Variants in ZBTB16 observed in about 807,000 individuals in gnomAD.
The protein encoded by ZBTB16 is zinc finger and BTB domain containing 16, also known as zinc finger and BTB domain-containing protein 16.
Under a neutral mutation model 56.8 loss-of-function variants are expected in ZBTB16, and 8 were observed. The observed-to-expected ratio is 0.14, with a 90% CI of 0.08 to 0.25. The LOEUF (loss-of-function observed/expected upper bound fraction) is 0.25, where lower values mean the gene tolerates loss of function less well. Among genes scored for constraint, ZBTB16 ranks in the 10% least tolerant of loss-of-function variants. The pLI is 1.00. For synonymous variants in ZBTB16, 363 were observed against 368.5 expected (o/e 0.98, Z 0.17); for missense variants, 625 against 903.0 (o/e 0.69, Z 3.95).
chr11:114,226,363 T>C (rs1051078122), intron 4 of ZBTB16, among the ~76,000 whole-genome samples: 29 of 152,166 alleles, frequency 1.9e-4, no homozygotes, highest in African/African-American at 7.0e-4. Flanking sequence ...GTGTCTCTCT[T>C]CACTACTGTT....
chr11:114,123,244 T>TAGTAGTCA (rs1042036285), intron 2 of ZBTB16, among the ~76,000 whole-genome samples: 173 of 152,136 alleles, frequency 1.1e-3, no homozygotes, highest in African/African-American at 4.0e-3. Flanking sequence ...ATTCAGTCCA[T>TAGTAGTCA]AGTAGTCATG....
chr11:114,200,378 C>T (rs1943709706), intron 4 of ZBTB16, among the ~76,000 whole-genome samples: 1 of 152,180 alleles, frequency 6.6e-6, no homozygotes, highest in African/African-American at 2.4e-5. Context: ...CTCTTAAAAA[C>T]TGTTCTAGAA....
intron 4 of ZBTB16, among the ~76,000 whole-genome samples, chr11:114,207,055 A>C (rs563892066): frequency 7.9e-5 from 12 of 152,116 alleles, no homozygotes; most frequent in Non-Finnish European, 1.6e-4. Context: ...AAAGGTGGCA[A>C]TGGAGGGTGG....
chr11:114,191,506 T>C (rs773082132), intron 4 of ZBTB16, among the ~76,000 whole-genome samples: 4 of 152,202 alleles, frequency 2.6e-5, no homozygotes, highest in Non-Finnish European at 5.9e-5. Flanking sequence ...AAGTGTGCTC[T>C]AGGATGTAGC....
intron 4 of ZBTB16, among the ~76,000 whole-genome samples, chr11:114,219,425 C>T (rs1313294857): frequency 6.6e-6 from 1 of 152,112 alleles, no homozygotes; most frequent in Non-Finnish European, 1.5e-5. Flanking sequence ...GAGTGGGTGG[C>T]TGGGTCTTTC....
At position 114,136,676 on chromosome 11, in the gene ZBTB16, C is replaced by T. The variant is rs77775654; in HGVS notation, c.1269-19661C>T. 4.1e-3 allele frequency among the ~76,000 whole-genome samples: 622 copies of T among 152,154 alleles called. 3 individuals carry two copies. The highest frequency in any genetic ancestry group is 0.024 in the Middle Eastern group (7 of 294). The stretch of plus-strand genomic sequence containing the variant: ...CCAAGAGATGAATGAAAGTCATCAT[C>T]GGGCAGATCACTGCCTACTAAAAGG... On this transcript the variant is annotated intron_variant, in intron 2 of 6. Transcript: ENST00000335953.
intron 3 of ZBTB16, 92 bp downstream of exon 3, chr11:114,156,526 G>C: frequency 8.3e-7 from 1 of 1,205,804 alleles, no homozygotes; most frequent in South Asian, 1.2e-5. Flanking sequence ...TGGCCTGCAT[G>C]TCCCCACTGC....
intron 4 of ZBTB16, among the ~76,000 whole-genome samples, chr11:114,197,829 C>T (rs939165738): frequency 6.6e-6 from 1 of 152,082 alleles, no homozygotes; most frequent in Non-Finnish European, 1.5e-5. Flanking sequence ...CTCAGGATAG[C>T]TGCTGGCCTT....
intron 2 of ZBTB16, among the ~76,000 whole-genome samples, chr11:114,120,719 G>T (rs572533453): frequency 6.6e-6 from 1 of 152,318 alleles, no homozygotes; most frequent in Admixed American, 6.5e-5. Context: ...GGTCTAAAGG[G>T]TGGCAGTGTC....
In ZBTB16 at chr11:114,115,766, G is replaced by A. The variant is rs118052391; in HGVS notation, c.1269-40571G>A. ...AACACAACTGCTGTGGCTGTCCTCC[G>A]CTGACGGCCCGCTAATTTGTCTTTC... On this transcript the variant is annotated intron_variant, in intron 2 of 6. Transcript: ENST00000335953. Among the ~76,000 whole-genome samples the A allele has an allele frequency of 9.9e-3, 1,502 of 152,226 alleles. 14 individuals carry two copies. Among genetic ancestry groups the A allele is most frequent in the Non-Finnish European group, 0.017 (1,134 of 68,012 alleles).
chr11:114,200,658 T>G (rs774285959), intron 4 of ZBTB16, among the ~76,000 whole-genome samples: 1 of 152,164 alleles, frequency 6.6e-6, no homozygotes, highest in African/African-American at 2.4e-5. Flanking sequence ...GAGTTGCCCC[T>G]TCACTCTCAG....
chr11:114,142,196 C>T (rs544818614), intron 2 of ZBTB16, among the ~76,000 whole-genome samples: 130 of 152,214 alleles, frequency 8.5e-4, no homozygotes, highest in African/African-American at 2.8e-3. Context: ...CTTGTGGCAG[C>T]GGTGGTTAAG....
intron 5 of ZBTB16, among the ~76,000 whole-genome samples, chr11:114,243,854 T>C (rs960553755): frequency 6.6e-6 from 1 of 152,214 alleles, no homozygotes; most frequent in Non-Finnish European, 1.5e-5. Flanking sequence ...TGCCCTGCTC[T>C]GACCATGCCA....
chr11:114,239,436 T>C (rs1448932613), intron 4 of ZBTB16, among the ~76,000 whole-genome samples: 1 of 152,050 alleles, frequency 6.6e-6, no homozygotes. Context: ...GAGTAGATGC[T>C]GGGGGCTCTC....
At chr11:114,203,399 A>C (rs1434604825) in intron 4 of ZBTB16, among the ~76,000 whole-genome samples, 2 of 152,058 alleles carry the variant, frequency 1.3e-5, no homozygotes, top group Non-Finnish European at 2.9e-5. Context: ...AGCTTTATGA[A>C]TACATTAAAA....
intron 2 of ZBTB16, among the ~76,000 whole-genome samples, chr11:114,130,495 G>C (rs902673915): frequency 6.6e-6 from 1 of 152,226 alleles, no homozygotes; most frequent in Non-Finnish European, 1.5e-5. Context: ...AGCATCGATG[G>C]CTGGCTGTGT....
chr11:114,164,216 T>C (rs924016221), intron 3 of ZBTB16, among the ~76,000 whole-genome samples: 1 of 152,186 alleles, frequency 6.6e-6, no homozygotes, highest in African/African-American at 2.4e-5. Flanking sequence ...GATAGAACAT[T>C]ACTTTGAGGG....
intron 2 of ZBTB16, among the ~76,000 whole-genome samples, chr11:114,077,496 C>T (rs1443488852): frequency 6.6e-6 from 1 of 152,042 alleles, no homozygotes; most frequent in African/African-American, 2.4e-5. Context: ...TGCCCTCTGA[C>T]CCCCGACTCT....
chr11:114,078,601 AG>A (rs146508544), intron 2 of ZBTB16, among the ~76,000 whole-genome samples: 2,866 of 152,292 alleles, frequency 0.019, 91 homozygotes, highest in African/African-American at 0.065. Context: ...TATTTAGAGC[AG>A]GGGGCATCTA....
Sources: allele counts gnomAD v4.1 joint callset (sites outside exome capture counted in the v4.1 genomes callset), GRCh38; gene constraint gnomAD v4.1.1; transcripts MANE v1.5; gene names NCBI Gene and HGNC (gene_info 2026-07-23, HGNC 2026-07-21).